The following LRRC4C variants were observed in gnomAD, a reference collection of about 807,000 sequenced individuals.
The protein encoded by LRRC4C is leucine-rich repeat-containing protein 4C.
A neutral mutation model predicts 33.6 loss-of-function variants in LRRC4C; 5 were observed. The observed-to-expected ratio is 0.15, with a 90% confidence interval of 0.08 to 0.31. The LOEUF (loss-of-function observed/expected upper bound fraction) is 0.31, where lower values mean the gene tolerates loss of function less well. LRRC4C is among the 10% of genes least tolerant of loss of function. The pLI is 1.00. For synonymous variants in LRRC4C, 329 were observed against 302.0 expected (o/e 1.09, Z -0.93); for missense variants, 560 against 796.7 (o/e 0.70, Z 3.58).
At chr11:40,288,467 A>G (rs1413260349) in intron 4 of LRRC4C, among the ~76,000 whole-genome samples, 1 of 152,242 alleles carries the variant, frequency 6.6e-6, no homozygotes, top group African/African-American at 2.4e-5. Flanking sequence ...GACATTAAGA[A>G]TAACAATTAC....
At position 41,323,182 on chromosome 11, in the gene LRRC4C, C is replaced by A. The variant is rs563644622; in HGVS notation, c.-496+136249G>T. Among the ~76,000 whole-genome samples, 5 of 152,130 alleles carry A rather than the reference C, an allele frequency of 3.3e-5. No individual in the cohort carries two copies. The East Asian group carries it at 9.7e-4, about 29-fold the overall frequency. On this transcript the variant is annotated intron_variant, in intron 1 of 6. Transcript: ENST00000528697. ...ATCCTATCATTATATTTCTTTTAAT[C>A]TATTGCCCCCAGTGAGCTGAACACC...
At chr11:40,868,686 T>C (rs946146661) in intron 2 of LRRC4C, among the ~76,000 whole-genome samples, 1 of 152,180 alleles carries the variant, frequency 6.6e-6, no homozygotes, top group Non-Finnish European at 1.5e-5. Context: ...TAGTGTTTGA[T>C]CATCTTTGGG....
chr11:41,396,833 A>G (rs1254201201), intron 1 of LRRC4C, among the ~76,000 whole-genome samples: 1 of 152,056 alleles, frequency 6.6e-6, no homozygotes, highest in Non-Finnish European at 1.5e-5. Flanking sequence ...AAAATAAAAA[A>G]CTGACAAATG....
chr11:40,238,285 G>C (rs1865701606), intron 5 of LRRC4C, among the ~76,000 whole-genome samples: 1 of 152,140 alleles, frequency 6.6e-6, no homozygotes, highest in South Asian at 2.1e-4. Context: ...ACTGTTTCCT[G>C]ACATGTTCTT....
chr11:40,433,201 CTG>C (rs1417491180), intron 3 of LRRC4C, among the ~76,000 whole-genome samples: 1 of 152,092 alleles, frequency 6.6e-6, no homozygotes, highest in Admixed American at 6.6e-5. Context: ...AATTCAATAA[CTG>C]TATTTAAAAG....
intron 1 of LRRC4C, among the ~76,000 whole-genome samples, chr11:41,245,502 AG>A (rs765597292): frequency 1.3e-5 from 2 of 152,198 alleles, no homozygotes; most frequent in Non-Finnish European, 2.9e-5. Flanking sequence ...GCATACCACA[AG>A]CAGCTTCCAC....
intron 1 of LRRC4C, among the ~76,000 whole-genome samples, chr11:40,948,456 C>T (rs372707151): frequency 5.0e-4 from 75 of 150,272 alleles, no homozygotes; most frequent in Non-Finnish European, 7.5e-4. Context: ...CATGCTGGTG[C>T]GCTGCACCCA....
intron 2 of LRRC4C, among the ~76,000 whole-genome samples, chr11:40,722,906 C>A (rs935138399): frequency 5.9e-5 from 9 of 151,894 alleles, no homozygotes; most frequent in African/African-American, 2.2e-4. Context: ...AAGAAAGAAC[C>A]CAAACTGAAC....
chr11:40,995,378 C>A (rs542139298), intron 1 of LRRC4C, among the ~76,000 whole-genome samples: 1 of 152,188 alleles, frequency 6.6e-6, no homozygotes, highest in East Asian at 1.9e-4. Flanking sequence ...TTATGAACAA[C>A]TGCTTACTAG....
At chr11:41,245,972 T>C (rs370316936) in intron 1 of LRRC4C, among the ~76,000 whole-genome samples, 2 of 152,012 alleles carry the variant, frequency 1.3e-5, no homozygotes, top group South Asian at 4.1e-4. Context: ...TGGGTGGCCA[T>C]GGACAGCCCT....
intron 4 of LRRC4C, among the ~76,000 whole-genome samples, chr11:40,250,214 C>G (rs1370875766): frequency 1.3e-5 from 2 of 151,008 alleles, no homozygotes; most frequent in Admixed American, 1.3e-4. Context: ...TGTGGAGTAT[C>G]AAATATAACT....
chr11:40,779,414 A>C (rs1038789927), intron 2 of LRRC4C, among the ~76,000 whole-genome samples: 6 of 152,158 alleles, frequency 3.9e-5, no homozygotes, highest in African/African-American at 1.4e-4. Flanking sequence ...TCTGCATTTC[A>C]CTTGCATAAC....
intron 1 of LRRC4C, among the ~76,000 whole-genome samples, chr11:41,445,007 T>G (rs1955775035): frequency 6.6e-6 from 1 of 151,882 alleles, no homozygotes; most frequent in Non-Finnish European, 1.5e-5. Flanking sequence ...TTCTTCATGT[T>G]GGCCAGGCTG....
chr11:40,475,922 C>T (rs1953192964), intron 3 of LRRC4C, among the ~76,000 whole-genome samples: 3 of 152,138 alleles, frequency 2.0e-5, no homozygotes, highest in Admixed American at 6.5e-5. Context: ...GAGTTTCTCA[C>T]CCTTGGCACT....
chr11:40,224,902 C>G (rs1313512735), intron 5 of LRRC4C, among the ~76,000 whole-genome samples: 1 of 152,168 alleles, frequency 6.6e-6, no homozygotes, highest in Non-Finnish European at 1.5e-5. Flanking sequence ...CCTCTGCTGT[C>G]AGACAGAAAT....
At chr11:41,034,457 CCAT>C (rs1565320803) in intron 1 of LRRC4C, among the ~76,000 whole-genome samples, 11 of 122,906 alleles carry the variant, frequency 8.9e-5, no homozygotes, top group Non-Finnish European at 1.4e-4. Context: ...CACACACACA[CCAT>C]ATATATATAT....
chr11:41,420,945 A>G (rs1165451159), intron 1 of LRRC4C, among the ~76,000 whole-genome samples: 1 of 152,044 alleles, frequency 6.6e-6, no homozygotes, highest in Non-Finnish European at 1.5e-5. Context: ...ACTATAAAGT[A>G]TATGAATGTT....
chr11:40,765,167 A>C (rs1017094327), intron 2 of LRRC4C, among the ~76,000 whole-genome samples: 1 of 152,164 alleles, frequency 6.6e-6, no homozygotes, highest in Non-Finnish European at 1.5e-5. Context: ...TCAAGTTGTA[A>C]TTTCCAGTGT....
intron 5 of LRRC4C, among the ~76,000 whole-genome samples, chr11:40,220,718 A>T (rs894738859): frequency 1.3e-5 from 2 of 152,146 alleles, no homozygotes; most frequent in African/African-American, 4.8e-5. Context: ...ATTTTTTCTT[A>T]CTGTGAATGA....
Sources: gnomAD v4.1 joint callset for allele counts (sites outside exome capture counted in the v4.1 genomes callset) on GRCh38, gnomAD v4.1.1 for gene constraint, MANE v1.5 for transcripts, NCBI Gene and HGNC (gene_info 2026-07-23, HGNC 2026-07-21) for gene names.